The following TGFBRAP1 variants were observed in gnomAD, a reference collection of about 807,000 sequenced individuals.
The protein encoded by TGFBRAP1 is transforming growth factor-beta receptor-associated protein 1.
A neutral mutation model predicts 83.2 loss-of-function variants in TGFBRAP1; 20 were observed. That is an observed-to-expected ratio of 0.24 (90% CI 0.17 to 0.35). The LOEUF (loss-of-function observed/expected upper bound fraction) is 0.35. TGFBRAP1 is among the 10% of genes least tolerant of loss of function. The pLI is 1.00. For missense variants in TGFBRAP1, 950 were observed against 1,099.4 expected (o/e 0.86, Z 1.92); for synonymous variants, 415 against 459.8 (o/e 0.90, Z 1.25).
chr2:105,324,817 G>A (rs1343762082), intron 1 of TGFBRAP1, among the ~76,000 whole-genome samples: 1 of 152,140 alleles, frequency 6.6e-6, no homozygotes, highest in Non-Finnish European at 1.5e-5. Context: ...AAGGAGCACA[G>A]CCCCTCAGTA....
At chr2:105,317,259 A>C (rs1678914067) in intron 1 of TGFBRAP1, among the ~76,000 whole-genome samples, 1 of 152,138 alleles carries the variant, frequency 6.6e-6, no homozygotes, top group Non-Finnish European at 1.5e-5. Flanking sequence ...CAACATGGTG[A>C]AACCCCATTT....
intron 1 of TGFBRAP1, chr2:105,324,216 C>T (rs779212880): frequency 1.1e-4 from 17 of 152,176 alleles, no homozygotes; most frequent in Non-Finnish European, 2.4e-4. Flanking sequence ...TACAGCCATA[C>T]AAGACGTTAA....
In TGFBRAP1 at chr2:105,265,949, T is replaced by G. The variant is rs1243092158; in HGVS notation, c.*1434A>C. ...AAGGCTTGGGCTGATGAAGAGAGGGTGTATTCAGGGTCCTCTCTTGTCATA... is the reference window on the plus strand; with the variant it reads ...AAGGCTTGGGCTGATGAAGAGAGGGGGTATTCAGGGTCCTCTCTTGTCATA... On this transcript the variant is annotated 3_prime_UTR_variant, in exon 12 of 12. Transcript: ENST00000393359. 3 of 152,100 alleles carry G rather than the reference T, an allele frequency of 2.0e-5. No individual in the cohort carries two copies. The allele number at this position is 152,100 out of a possible 1,614,324, so 9.4% of individuals were successfully genotyped here. A position where few individuals can be genotyped will look rare whatever the true frequency, so the allele number is the denominator to read the frequency against.
Position 105,267,120 on chromosome 2 carries a change from G to C in TGFBRAP1, c.*263C>G. ...CTCTGTCTTGGATTACTATGTACCT[G>C]GACAGGTGAACTCTTGTATGTTTCT... On this transcript the variant is annotated 3_prime_UTR_variant, in exon 12 of 12. Coordinates refer to ENST00000393359, the MANE Select transcript of TGFBRAP1 (RefSeq NM_004257.6). 2.2e-6 allele frequency: 1 copy of C among 448,652 alleles called. No individual in the cohort carries two copies. Among genetic ancestry groups the C allele is most frequent in the South Asian group, 4.0e-5 (1 of 25,030 alleles). The allele number at this position is 448,652 out of a possible 1,614,324, so 27.8% of individuals were successfully genotyped here. A position where few individuals can be genotyped will look rare whatever the true frequency, so the allele number is the denominator to read the frequency against.
chr2:105,304,654 AT>A (rs1182974529), intron 2 of TGFBRAP1, among the ~76,000 whole-genome samples: 1 of 152,212 alleles, frequency 6.6e-6, no homozygotes, highest in Non-Finnish European at 1.5e-5. Context: ...ATGGTGGCAC[AT>A]GCCTATAGTC....
At chr2:105,287,979 T>C (rs1171027182) in intron 4 of TGFBRAP1, among the ~76,000 whole-genome samples, 1 of 152,034 alleles carries the variant, frequency 6.6e-6, no homozygotes, top group Non-Finnish European at 1.5e-5. Context: ...GGGCCTCAGG[T>C]GGCTACACCA....
Position 105,308,225 on chromosome 2 carries a change from T to A in TGFBRAP1, c.77A>T (p.Asn26Ile). The part of the protein sequence containing the change: ...ELLMGDKERV[N>I]IECVECCGRD... Reference sequence around the variant, plus strand: ...GCCGCAGCACTCCACGCACTCTATGTTGACGCGCTCCTTGTCGCCCATCAG... The same window carrying A: ...GCCGCAGCACTCCACGCACTCTATGATGACGCGCTCCTTGTCGCCCATCAG... The change falls in exon 2 of 12, where the codon AAC (asparagine) becomes ATC (isoleucine). Residue 26 changes from asparagine to isoleucine, a missense_variant. Physicochemically the swap from Asn to Ile is moderately radical, Grantham distance 149. Coordinates refer to ENST00000393359, the MANE Select transcript of TGFBRAP1 (RefSeq NM_004257.6). 1.2e-6 allele frequency: 2 copies of A among 1,614,190 alleles called. No homozygotes were observed. The highest frequency in any genetic ancestry group is 1.7e-6 in the Non-Finnish European group (2 of 1,180,032).
At chr2:105,290,784 C>T (rs1273459638) in intron 4 of TGFBRAP1, among the ~76,000 whole-genome samples, 1 of 152,094 alleles carries the variant, frequency 6.6e-6, no homozygotes, top group Non-Finnish European at 1.5e-5. Context: ...ATCGGCAGAT[C>T]ACCTGAGGTC....
At chr2:105,298,794 G>T in intron 2 of TGFBRAP1, 89 bp from the exon 3 acceptor site, 1 of 1,269,206 alleles carries the variant, frequency 7.9e-7, no homozygotes, top group Non-Finnish European at 1.1e-6. Flanking sequence ...ACCGACCCCT[G>T]CCCACCAGCA....
At chr2:105,278,204 A>G (rs1677416711) in intron 6 of TGFBRAP1, among the ~76,000 whole-genome samples, 2 of 152,130 alleles carry the variant, frequency 1.3e-5, no homozygotes, top group South Asian at 4.1e-4. Flanking sequence ...CAACTTCCAA[A>G]AAGAATCTGA....
At chr2:105,304,618 A>G (rs1480066478) in intron 2 of TGFBRAP1, among the ~76,000 whole-genome samples, 1 of 152,182 alleles carries the variant, frequency 6.6e-6, no homozygotes, top group Non-Finnish European at 1.5e-5. Flanking sequence ...CCCCATCTCT[A>G]CTAAGAACAC....
At chr2:105,297,477 A>C (rs1678126013) in intron 3 of TGFBRAP1, among the ~76,000 whole-genome samples, 1 of 152,228 alleles carries the variant, frequency 6.6e-6, no homozygotes, top group Non-Finnish European at 1.5e-5. Context: ...CCCCACCGGA[A>C]TTAGCCCACT....
At chr2:105,315,497 T>C (rs993137563) in intron 1 of TGFBRAP1, among the ~76,000 whole-genome samples, 2 of 152,288 alleles carry the variant, frequency 1.3e-5, no homozygotes, top group Middle Eastern at 3.4e-3. Flanking sequence ...ATCCAGAATA[T>C]AGAAAAACTC....
chr2:105,252,669 CCTT>C, the TGFBRAP1 span, among the ~76,000 whole-genome samples: 3 of 152,184 alleles, frequency 2.0e-5, no homozygotes, highest in Non-Finnish European at 4.4e-5. Context: ...CATTCCCCTA[CCTT>C]CTTCTCTGGT....
At chr2:105,287,588 C>T (rs1458421850) in intron 4 of TGFBRAP1, among the ~76,000 whole-genome samples, 1 of 152,114 alleles carries the variant, frequency 6.6e-6, no homozygotes, top group Non-Finnish European at 1.5e-5. Flanking sequence ...GCTGCATCTT[C>T]ATCTTTATAC....
Position 105,269,614 on chromosome 2 carries a change from G to A in TGFBRAP1, c.2064C>T (p.His688=), listed in dbSNP as rs750702972. 22 of 1,607,838 alleles carry A rather than the reference G, an allele frequency of 1.4e-5. No homozygotes were observed. Among genetic ancestry groups the A allele is most frequent in the Admixed American group, 5.0e-5 (3 of 59,788 alleles). ...EHEKALHILV[H]ELQDFAAAED... Reference sequence around the variant, plus strand: ...CGGCCGCTGCAAAGTCCTGCAGCTCGTGCACCAGGATATGCAGCGCCTTCT... The same window carrying A: ...CGGCCGCTGCAAAGTCCTGCAGCTCATGCACCAGGATATGCAGCGCCTTCT... The change falls in exon 11 of 12, where the codon CAC becomes CAT. Residue 688 remains histidine (H), a synonymous_variant. Coordinates refer to ENST00000393359, the MANE Select transcript of TGFBRAP1 (RefSeq NM_004257.6). This position sits in a 1 kb window ranked among gnomAD's most constrained non-coding sequence, Gnocchi z 4.1.
chr2:105,276,852 A>G (rs1285094488), intron 7 of TGFBRAP1, among the ~76,000 whole-genome samples: 1 of 152,212 alleles, frequency 6.6e-6, no homozygotes, highest in African/African-American at 2.4e-5. Flanking sequence ...CACTAAATAC[A>G]TGTTCAGCCT....
chr2:105,259,742 T>C (rs190395574), downstream of TGFBRAP1, among the ~76,000 whole-genome samples: 5 of 152,278 alleles, frequency 3.3e-5, no homozygotes, highest in East Asian at 3.9e-4. Flanking sequence ...TCCTGTAAGT[T>C]AGTCTGGATC....
chr2:105,267,307 G>T lies in TGFBRAP1; in HGVS notation c.*76C>A. On this transcript the variant is annotated 3_prime_UTR_variant, in exon 12 of 12. Transcript: ENST00000393359. ...CTTCGTCCTGGCTGACACAGAGCAT[G>T]GTGGTCATCTGCTCTTCATGTCCAG... 6.4e-7 allele frequency: 1 copy of T among 1,566,320 alleles called. No individual in the cohort carries two copies. Among genetic ancestry groups the T allele is most frequent in the Non-Finnish European group, 8.7e-7 (1 of 1,151,516 alleles).
Sources: allele counts gnomAD v4.1 joint callset (sites outside exome capture counted in the v4.1 genomes callset), GRCh38; gene constraint gnomAD v4.1.1; non-coding constraint Gnocchi (gnomAD v3.1); transcripts MANE v1.5; gene names NCBI Gene and HGNC (gene_info 2026-07-23, HGNC 2026-07-21).